AGBL4: variants seen among roughly 807,000 people sequenced by gnomAD.
The protein encoded by AGBL4 is cytosolic carboxypeptidase 6.
AGBL4 carries 58 observed loss-of-function variants against 66.4 expected under a neutral mutation model. The ratio of observed to expected loss-of-function variants is 0.87; its 90% CI spans 0.71 to 1.09. The LOEUF (loss-of-function observed/expected upper bound fraction) is 1.09, where lower values mean the gene tolerates loss of function less well. Among genes scored for constraint, AGBL4 ranks in the 50% least tolerant of loss-of-function variants. The pLI is 0.00. For missense variants in AGBL4, 579 were observed against 631.0 expected, an observed-to-expected ratio of 0.92 and a Z score of 0.88; for synonymous variants, 234 against 222.9, an observed-to-expected ratio of 1.05 and a Z score of -0.44.
intron 4 of AGBL4, among the ~76,000 whole-genome samples, chr1:49,132,470 C>G (rs1466537556): frequency 6.6e-6 from 1 of 151,980 alleles, no homozygotes; most frequent in Non-Finnish European, 1.5e-5. Context: ...CTTTAGTGGA[C>G]AAGGAGAATT....
intron 3 of AGBL4, among the ~76,000 whole-genome samples, chr1:49,353,690 C>G (rs1408623426): frequency 6.6e-6 from 1 of 152,094 alleles, no homozygotes; most frequent in Non-Finnish European, 1.5e-5. Context: ...CACCACACCC[C>G]CTGTCCTGTA....
At chr1:49,662,192 G>C (rs926080821) in intron 3 of AGBL4, among the ~76,000 whole-genome samples, 1 of 150,732 alleles carries the variant, frequency 6.6e-6, no homozygotes, top group Non-Finnish European at 1.5e-5. Flanking sequence ...TGTCATCACA[G>C]TCTCACAGAA....
rs545738087 is a variant in AGBL4 at position 48,933,956 on chromosome 1, G to C, written c.595-66726C>G. On this transcript the variant is annotated intron_variant, in intron 5 of 13. Coordinates refer to ENST00000371839, the MANE Select transcript of AGBL4 (RefSeq NM_032785.4). ...CTTGGTTCCCCTTGCTGCTTTCTTA[G>C]CATGAGCCCTTGCCTCTCTCCCCAG... Among the ~76,000 whole-genome samples the C allele has an allele frequency of 1.5e-3, 232 of 152,238 alleles. 1 individual carries two copies. The highest frequency in any genetic ancestry group is 5.3e-3 in the African/African-American group (219 of 41,548).
chr1:49,545,365 G>A (rs938777373), intron 3 of AGBL4, among the ~76,000 whole-genome samples: 1 of 152,182 alleles, frequency 6.6e-6, no homozygotes, highest in African/African-American at 2.4e-5. Flanking sequence ...AAAACCATGT[G>A]AGTTTGGAGG....
intron 3 of AGBL4, among the ~76,000 whole-genome samples, chr1:49,381,097 C>G (rs905736589): frequency 7.2e-5 from 11 of 152,138 alleles, no homozygotes; most frequent in African/African-American, 2.4e-4. Context: ...ACCTACTCAT[C>G]TGACAAAGGG....
At chr1:48,853,897 T>C (rs1053378156) in intron 6 of AGBL4, among the ~76,000 whole-genome samples, 1 of 152,156 alleles carries the variant, frequency 6.6e-6, no homozygotes, top group Non-Finnish European at 1.5e-5. Flanking sequence ...CCTCCATCCC[T>C]GAACCAATGA....
At chr1:48,652,999 A>G (rs72901139) in intron 8 of AGBL4, among the ~76,000 whole-genome samples, 1,931 of 152,262 alleles carry the variant, frequency 0.013, 18 homozygotes, top group African/African-American at 0.022. Flanking sequence ...TCAGGTAAGT[A>G]ATTATTGTCT....
At chr1:49,166,958 C>A (rs1646646777) in intron 4 of AGBL4, among the ~76,000 whole-genome samples, 1 of 152,112 alleles carries the variant, frequency 6.6e-6, no homozygotes, top group African/African-American at 2.4e-5. Context: ...ACATTAATAG[C>A]CCTTTCAATA....
chr1:48,544,177 T>C (rs1402420270), intron 11 of AGBL4, among the ~76,000 whole-genome samples: 1 of 152,252 alleles, frequency 6.6e-6, no homozygotes, highest in African/African-American at 2.4e-5. Context: ...CTCTGTCCTC[T>C]TGTTTAAAAA....
intron 2 of AGBL4, among the ~76,000 whole-genome samples, chr1:49,765,960 T>G (rs928215432): frequency 1.3e-5 from 2 of 152,138 alleles, no homozygotes; most frequent in African/African-American, 2.4e-5. Flanking sequence ...AATCTATGAA[T>G]TATTGGCATT....
intron 1 of AGBL4, among the ~76,000 whole-genome samples, chr1:49,991,718 A>T (rs1227938669): frequency 6.6e-6 from 1 of 152,152 alleles, no homozygotes; most frequent in Non-Finnish European, 1.5e-5. Context: ...TCCTCCTTTG[A>T]TTCTTCCATT....
intron 1 of AGBL4, among the ~76,000 whole-genome samples, chr1:49,882,404 G>A (rs1297142179): frequency 2.0e-5 from 3 of 151,208 alleles, no homozygotes; most frequent in Admixed American, 6.6e-5. Flanking sequence ...CTTTAAAGTA[G>A]TTTTTTCCAA....
chr1:48,587,666 G>A (rs1459057946), intron 10 of AGBL4, among the ~76,000 whole-genome samples: 2 of 150,232 alleles, frequency 1.3e-5, no homozygotes, highest in Non-Finnish European at 3.0e-5. Flanking sequence ...TTTTTGAGAT[G>A]AAGTCTCGCT....
intron 2 of AGBL4, among the ~76,000 whole-genome samples, chr1:49,728,104 T>C (rs1649165479): frequency 6.6e-6 from 1 of 152,196 alleles, no homozygotes; most frequent in African/African-American, 2.4e-5. Flanking sequence ...GTTCCTTTTC[T>C]TCCTATATAT....
At chr1:49,544,543 T>C (rs1200852923) in intron 3 of AGBL4, among the ~76,000 whole-genome samples, 1 of 152,188 alleles carries the variant, frequency 6.6e-6, no homozygotes, top group African/African-American at 2.4e-5. Flanking sequence ...ATCCAATAAA[T>C]ATTTATCAAG....
chr1:48,672,812 G>C (rs745474341), intron 6 of AGBL4, among the ~76,000 whole-genome samples: 1 of 152,152 alleles, frequency 6.6e-6, no homozygotes, highest in African/African-American at 2.4e-5. Context: ...AGGTTGTTAC[G>C]TATTAATAAC....
intron 6 of AGBL4, among the ~76,000 whole-genome samples, chr1:48,858,552 T>A (rs768981632): frequency 2.0e-5 from 3 of 152,132 alleles, no homozygotes; most frequent in African/African-American, 4.8e-5. Context: ...GAAAACACTG[T>A]GGTAAGTGAA....
chr1:48,741,813 G>T (rs1649957054), intron 6 of AGBL4, among the ~76,000 whole-genome samples: 2 of 152,196 alleles, frequency 1.3e-5, no homozygotes, highest in Non-Finnish European at 2.9e-5. Context: ...TGTAATGCAT[G>T]CCACAGTGGC....
chr1:49,337,256 T>G (rs1302100141), intron 3 of AGBL4, among the ~76,000 whole-genome samples: 2 of 152,168 alleles, frequency 1.3e-5, no homozygotes, highest in African/African-American at 4.8e-5. Context: ...TGTGAGGAGC[T>G]CTTTTACTGC....
Sources: gnomAD v4.1 joint callset for allele counts (sites outside exome capture counted in the v4.1 genomes callset) on GRCh38, gnomAD v4.1.1 for gene constraint, MANE v1.5 for transcripts, NCBI Gene and HGNC (gene_info 2026-07-23, HGNC 2026-07-21) for gene names.